CCDC146: variants seen among roughly 807,000 people sequenced by gnomAD.
The protein encoded by CCDC146 is coiled-coil domain-containing protein 146.
Under a neutral mutation model 119.3 loss-of-function variants are expected in CCDC146, and 92 were observed. That is an observed-to-expected ratio of 0.77 (90% CI 0.65 to 0.92). The LOEUF is 0.92. Among genes scored for constraint, CCDC146 ranks in the 40% least tolerant of loss-of-function variants. The pLI, the probability that CCDC146 is intolerant of heterozygous loss-of-function variation, is 0.00. For synonymous variants in CCDC146, 372 were observed against 371.8 expected (o/e 1.00, Z -0.01); for missense variants, 1,000 against 1,103.0 (o/e 0.91, Z 1.32).
rs147157978 is a variant in CCDC146 at position 77,230,827 on chromosome 7, A to G, written c.157-6120A>G. On this transcript the variant is annotated intron_variant, in intron 2 of 18. Coordinates refer to ENST00000285871, the MANE Select transcript of CCDC146 (RefSeq NM_020879.3). Reference sequence around the variant, plus strand: ...TCTCTTTTTCTCTAGTTCTCCCATTACTTGTAATTTAGTGGGATTAATGTC... The same window carrying G: ...TCTCTTTTTCTCTAGTTCTCCCATTGCTTGTAATTTAGTGGGATTAATGTC... 3.3e-5 allele frequency among the ~76,000 whole-genome samples: 5 copies of G among 152,102 alleles called. No individual in the cohort carries two copies. In the East Asian group the frequency reaches 7.7e-4, roughly 23 times the overall value.
chr7:77,292,484 T>C (rs1793965939), intron 17 of CCDC146, among the ~76,000 whole-genome samples: 1 of 149,808 alleles, frequency 6.7e-6, no homozygotes, highest in Non-Finnish European at 1.5e-5. Flanking sequence ...GGGTATGGTG[T>C]TGGGCACTTG....
intron 1 of CCDC146, among the ~76,000 whole-genome samples, chr7:77,163,860 C>CTTTTTTTTTTTTTT (rs530810388): frequency 4.5e-5 from 5 of 110,030 alleles, no homozygotes; most frequent in Admixed American, 9.9e-5. Context: ...TCTTTTTTTT[C>CTTTTTTTTTTTTTT]TTTTTTTTTT....
At chr7:77,221,337 A>C (rs966662970) in intron 2 of CCDC146, among the ~76,000 whole-genome samples, 1 of 152,238 alleles carries the variant, frequency 6.6e-6, no homozygotes, top group Non-Finnish European at 1.5e-5. Flanking sequence ...TTTAATATCC[A>C]TTCCAAACTG....
intron 2 of CCDC146, among the ~76,000 whole-genome samples, chr7:77,231,073 A>G (rs1362867044): frequency 6.6e-6 from 1 of 152,214 alleles, no homozygotes; most frequent in Non-Finnish European, 1.5e-5. Flanking sequence ...AAAATCTCTC[A>G]TGTTCCCACA....
chr7:77,144,769 A>T (rs1355771221), intron 1 of CCDC146, among the ~76,000 whole-genome samples: 2 of 151,856 alleles, frequency 1.3e-5, no homozygotes, highest in East Asian at 3.9e-4. Flanking sequence ...GATGAAGTCC[A>T]CTTGATCATG....
intron 2 of CCDC146, among the ~76,000 whole-genome samples, chr7:77,208,432 C>T (rs112282892): frequency 5.3e-5 from 8 of 152,154 alleles, no homozygotes; most frequent in African/African-American, 1.9e-4. Flanking sequence ...TAGCATGTTA[C>T]TGTACTGAAT....
intron 1 of CCDC146, among the ~76,000 whole-genome samples, chr7:77,144,031 A>G (rs980966879): frequency 6.6e-6 from 1 of 151,710 alleles, no homozygotes; most frequent in African/African-American, 2.4e-5. Context: ...CACGATATTA[A>G]TTCTTCCTAT....
chr7:77,183,032 T>C (rs1791613010), intron 2 of CCDC146, among the ~76,000 whole-genome samples: 1 of 152,102 alleles, frequency 6.6e-6, no homozygotes, highest in Non-Finnish European at 1.5e-5. Context: ...ACAGAAAGCC[T>C]TGGAAAGCAA....
At chr7:77,126,090 A>G (rs28665463) in intron 1 of CCDC146, among the ~76,000 whole-genome samples, 7,922 of 149,588 alleles carry the variant, frequency 0.053, 664 homozygotes, top group African/African-American at 0.19. Flanking sequence ...GGAAGTTAGC[A>G]GTAGATTTTT....
At chr7:77,206,264 A>G (rs745605487) in intron 2 of CCDC146, among the ~76,000 whole-genome samples, 1 of 152,182 alleles carries the variant, frequency 6.6e-6, no homozygotes, top group African/African-American at 2.4e-5. Context: ...ATTTGATTTT[A>G]CCTGCTTATC....
intron 2 of CCDC146, among the ~76,000 whole-genome samples, chr7:77,216,095 G>T (rs1476864516): frequency 6.6e-6 from 1 of 151,694 alleles, no homozygotes; most frequent in Non-Finnish European, 1.5e-5. Flanking sequence ...TCATAGTATA[G>T]CTTCTGTAAT....
At chr7:77,264,297 C>G (rs1366805679) in intron 9 of CCDC146, among the ~76,000 whole-genome samples, 1 of 151,892 alleles carries the variant, frequency 6.6e-6, no homozygotes, top group Non-Finnish European at 1.5e-5. Context: ...TCTTGCTTTG[C>G]TGCCCAGGCT....
chr7:77,198,304 A>G (rs749346721), intron 2 of CCDC146: 4 of 985,234 alleles, frequency 4.1e-6, no homozygotes, highest in Non-Finnish European at 4.8e-6. Context: ...TGTCCTTTCA[A>G]CCTCACGTTC....
chr7:77,294,914 T>C lies in CCDC146; in HGVS notation c.*48T>C, dbSNP rs1794017133. 23 of 1,494,102 alleles carry C rather than the reference T, an allele frequency of 1.5e-5. No individual in the cohort carries two copies. The highest frequency in any genetic ancestry group is 2.1e-5 in the Non-Finnish European group (23 of 1,085,280). The allele number at this position is 1,494,102 out of a possible 1,614,324, so 92.6% of individuals were successfully genotyped here. On this transcript the variant is annotated 3_prime_UTR_variant, in exon 19 of 19. Coordinates refer to ENST00000285871, the MANE Select transcript of CCDC146 (RefSeq NM_020879.3). The stretch of plus-strand genomic sequence containing the variant: ...CTCAAGGAAAAGACTTCAACCAGGC[T>C]TCCTTGTACCCACAGGTGAAAAATG...
intron 8 of CCDC146, among the ~76,000 whole-genome samples, chr7:77,261,268 C>G (rs993718790): frequency 2.6e-5 from 4 of 152,068 alleles, no homozygotes; most frequent in Non-Finnish European, 5.9e-5. Flanking sequence ...TCTCTCCCTC[C>G]TCCCATCCTC....
intron 2 of CCDC146, among the ~76,000 whole-genome samples, chr7:77,179,707 C>T (rs75760413): frequency 0.012 from 1,794 of 151,852 alleles, 34 homozygotes; most frequent in African/African-American, 0.041. Context: ...TGGATTTGCT[C>T]GTTCAAAAAA....
intron 2 of CCDC146, among the ~76,000 whole-genome samples, chr7:77,228,163 T>G (rs1008047581): frequency 2.0e-5 from 3 of 152,236 alleles, no homozygotes; most frequent in Admixed American, 2.0e-4. Flanking sequence ...ATTATATATT[T>G]TTTAACCTTT....
intron 2 of CCDC146, among the ~76,000 whole-genome samples, chr7:77,217,550 C>CATATATAT (rs755931636): frequency 6.8e-6 from 1 of 147,102 alleles, no homozygotes; most frequent in African/African-American, 2.5e-5. Context: ...ACTATATATA[C>CATATATAT]ATATATATAT....
At chr7:77,234,744 A>G (rs1792701757) in intron 2 of CCDC146, among the ~76,000 whole-genome samples, 1 of 152,196 alleles carries the variant, frequency 6.6e-6, no homozygotes, top group African/African-American at 2.4e-5. Context: ...CTGGGGAAAA[A>G]AAAAGTTATA....
Sources: allele counts gnomAD v4.1 joint callset (sites outside exome capture counted in the v4.1 genomes callset), GRCh38; gene constraint gnomAD v4.1.1; transcripts MANE v1.5; gene names NCBI Gene and HGNC (gene_info 2026-07-23, HGNC 2026-07-21).